Variants in FBN1 observed in about 807,000 individuals in gnomAD.
The protein encoded by FBN1 is fibrillin 1.
Under a neutral mutation model 365.1 loss-of-function variants are expected in FBN1, and 29 were observed. That is an observed-to-expected ratio of 0.08 (90% CI 0.06 to 0.11). The LOEUF is 0.11. FBN1 is among the 10% of genes least tolerant of loss of function. The pLI is 1.00. For synonymous variants in FBN1, 1,210 were observed against 1,270.5 expected (o/e 0.95, Z 1.01); for missense variants, 2,476 against 3,703.2 (o/e 0.67, Z 8.60).
chr15:48,545,960 A>G (rs1227296206), intron 6 of FBN1, among the ~76,000 whole-genome samples: 1 of 152,162 alleles, frequency 6.6e-6, no homozygotes, highest in Non-Finnish European at 1.5e-5. Flanking sequence ...GTGAGCCGCG[A>G]TCACACCACT....
At chr15:48,511,025 C>T (rs2043754576) in intron 13 of FBN1, among the ~76,000 whole-genome samples, 3 of 152,180 alleles carry the variant, frequency 2.0e-5, no homozygotes, top group Admixed American at 2.0e-4. Context: ...AGGGCTTATT[C>T]CCAGAAGACA....
chr15:48,423,939 C>A (rs572467402), intron 60 of FBN1, among the ~76,000 whole-genome samples: 1 of 152,238 alleles, frequency 6.6e-6, no homozygotes, highest in South Asian at 2.1e-4. Context: ...CATTTTTCAT[C>A]TTTTAATTGC....
At chr15:48,411,696 C>T (rs899645661) in intron 65 of FBN1, among the ~76,000 whole-genome samples, 5 of 152,200 alleles carry the variant, frequency 3.3e-5, no homozygotes, top group Non-Finnish European at 5.9e-5. Flanking sequence ...TCGGCATCAC[C>T]CCAGAACTAC....
In FBN1 at chr15:48,421,658, A is replaced by G. The variant is rs763537015; in HGVS notation, c.7599T>C (p.Asn2533=). The G allele has an allele frequency of 1.2e-6, 2 of 1,613,872 alleles. No homozygotes were observed. The highest frequency in any genetic ancestry group is 3.3e-5 in the Admixed American group (2 of 59,990). The change falls in exon 62 of 66, where the codon AAT becomes AAC. Residue 2533 remains asparagine, a synonymous_variant. Transcript: ENST00000316623. ...IDNNECTSDI[N]LCGSKGICQN... Reference sequence around the variant, plus strand: ...GGCAAATGCCCTTAGACCCGCACAGATTGATGTCAGAGGTGCATTCATTGT... The same window carrying G: ...GGCAAATGCCCTTAGACCCGCACAGGTTGATGTCAGAGGTGCATTCATTGT...
At chr15:48,586,117 A>C (rs989188109) in intron 6 of FBN1, among the ~76,000 whole-genome samples, 34 of 152,372 alleles carry the variant, frequency 2.2e-4, no homozygotes, top group African/African-American at 7.9e-4. Context: ...CCCAGAGACA[A>C]GCACTGGGTC....
intron 13 of FBN1, among the ~76,000 whole-genome samples, chr15:48,512,719 C>G (rs1215168144): frequency 6.6e-6 from 1 of 151,834 alleles, no homozygotes; most frequent in East Asian, 1.9e-4. Context: ...TTTATCCAGT[C>G]TATCATTGAT....
intron 50 of FBN1, among the ~76,000 whole-genome samples, chr15:48,440,873 A>C (rs1282787486): frequency 6.8e-6 from 1 of 148,146 alleles, no homozygotes; most frequent in Non-Finnish European, 1.5e-5. Context: ...CATATTTGGT[A>C]ATACGGAAGC....
intron 50 of FBN1, among the ~76,000 whole-genome samples, chr15:48,440,495 A>G (rs8029557): frequency 0.9 from 136,306 of 152,240 alleles, 61,118 homozygotes; most frequent in East Asian, 0.97. Flanking sequence ...AATTTATCTG[A>G]CTGGTCTGTA....
chr15:48,439,094 T>C (rs2043093860), intron 50 of FBN1, among the ~76,000 whole-genome samples: 2 of 152,204 alleles, frequency 1.3e-5, no homozygotes, highest in South Asian at 4.1e-4. Flanking sequence ...AGCTTTTATT[T>C]CATGACAAAG....
chr15:48,514,742 T>C (rs1327551037), intron 12 of FBN1, among the ~76,000 whole-genome samples: 2 of 152,220 alleles, frequency 1.3e-5, no homozygotes, highest in Non-Finnish European at 2.9e-5. Flanking sequence ...CGCTTTCTTT[T>C]AATGGTAGGG....
In FBN1 at chr15:48,512,152, T is replaced by A. The variant is rs540516421; in HGVS notation, c.1588+1397A>T. Among the ~76,000 whole-genome samples, 442 of 152,240 alleles carry A rather than the reference T, an allele frequency of 2.9e-3. 1 individual carries two copies. Among genetic ancestry groups the A allele is most frequent in the South Asian group, 7.0e-3 (34 of 4,830 alleles). ...ACTAAAATACACTGGTGGCAAGAAA[T>A]CTCTACGTGAGAACAAAATTCATAA... On this transcript the variant is annotated intron_variant, in intron 13 of 65. Transcript: ENST00000316623.
intron 6 of FBN1, among the ~76,000 whole-genome samples, chr15:48,555,095 G>A (rs1259633321): frequency 6.6e-6 from 1 of 152,148 alleles, no homozygotes; most frequent in Non-Finnish European, 1.5e-5. Context: ...ATTTAAACAT[G>A]GCATGCAGTG....
rs1191508155 is a variant in FBN1 at position 48,534,126 on chromosome 15, T to C, written c.816A>G (p.Lys272=). 2 of 1,613,636 alleles carry C rather than the reference T, an allele frequency of 1.2e-6. No homozygotes were observed. The highest frequency in any genetic ancestry group is 1.7e-6 in the Non-Finnish European group (2 of 1,179,908). Reference sequence around the variant, plus strand: ...CATTAAGTTTGTGTCCAGCAGGGCATTTGCACTCAAAAGACCCAACAGTAT... The same window carrying C: ...CATTAAGTTTGTGTCCAGCAGGGCACTTGCACTCAAAAGACCCAACAGTAT... The part of the protein sequence containing the change: ...CINTVGSFEC[K]CPAGHKLNEV... Residue 272 remains lysine (K), a synonymous_variant, in exon 8 of 66, where the codon AAA becomes AAG. Coordinates refer to ENST00000316623, the MANE Select transcript of FBN1 (RefSeq NM_000138.5).
chr15:48,464,081 G>A, intron 40 of FBN1, 60 bp from the exon 41 acceptor site: 3 of 1,522,306 alleles, frequency 2.0e-6, no homozygotes, highest in South Asian at 2.3e-5. Flanking sequence ...GGAATGGCCT[G>A]ATACTTAATG....
At chr15:48,568,049 G>GAAAGAAAGAAGAAAGAAAGAAAGAAAGA (rs369157930) in intron 6 of FBN1, among the ~76,000 whole-genome samples, 17 of 40,108 alleles carry the variant, frequency 4.2e-4, no homozygotes, top group African/African-American at 1.2e-3. Context: ...AAGAAAGAAA[G>GAAAGAAAGAAGAAAGAAAGAAAGAAAGA]AAGAAAGAAA....
chr15:48,422,926 C>CAAAACA lies in FBN1; in HGVS notation c.7454-864_7454-859dup, dbSNP rs532548130. Reference sequence around the variant, plus strand: ...TGGGCAACAGAGTGAAACTTCGTCTCAAAACAAAAACAAAAACAAAAACAA... The same window carrying CAAAACA: ...TGGGCAACAGAGTGAAACTTCGTCTCAAAACAAAAACAAAAACAAAAACAAAAACAA... On this transcript the variant is annotated intron_variant, in intron 60 of 65. Transcript: ENST00000316623. 1.3e-4 allele frequency among the ~76,000 whole-genome samples: 20 copies of CAAAACA among 151,616 alleles called. No homozygotes were observed. The East Asian group carries it at 1.7e-3, about 13-fold the overall frequency.
intron 63 of FBN1, among the ~76,000 whole-genome samples, chr15:48,418,252 T>C (rs1488049220): frequency 6.6e-6 from 1 of 152,182 alleles, no homozygotes; most frequent in Non-Finnish European, 1.5e-5. Context: ...TAGAGAAGGA[T>C]TTATATATTA....
chr15:48,438,038 T>G, intron 50 of FBN1, 121 bp from the exon 51 acceptor site: 1 of 999,378 alleles, frequency 1.0e-6, no homozygotes, highest in Non-Finnish European at 1.6e-6. Flanking sequence ...ACAGCAATAC[T>G]CCTTACGTGA....
intron 6 of FBN1, among the ~76,000 whole-genome samples, chr15:48,544,254 T>C (rs1374913752): frequency 6.6e-6 from 1 of 152,188 alleles, no homozygotes; most frequent in Non-Finnish European, 1.5e-5. Context: ...CATGCATTTA[T>C]ATAAAATACT....
Sources: allele counts gnomAD v4.1 joint callset (sites outside exome capture counted in the v4.1 genomes callset), GRCh38; gene constraint gnomAD v4.1.1; transcripts MANE v1.5; gene names NCBI Gene and HGNC (gene_info 2026-07-23, HGNC 2026-07-21).